Variants in FAM227A observed in about 807,000 individuals in gnomAD.
The protein encoded by FAM227A is protein FAM227A.
A neutral mutation model predicts 74.7 loss-of-function variants in FAM227A; 80 were observed. The observed-to-expected ratio is 1.07, with a 90% CI of 0.89 to 1.29. The LOEUF (loss-of-function observed/expected upper bound fraction) is 1.29, where lower values mean the gene tolerates loss of function less well. FAM227A is among the 50% of genes most tolerant of loss of function. The pLI is 0.00. For synonymous variants in FAM227A, 237 were observed against 241.8 expected (o/e 0.98, Z 0.19); for missense variants, 654 against 683.4 (o/e 0.96, Z 0.48).
At chr22:38,629,569 G>A (rs1458149024) in intron 6 of FAM227A, among the ~76,000 whole-genome samples, 1 of 152,278 alleles carries the variant, frequency 6.6e-6, no homozygotes, top group Non-Finnish European at 1.5e-5. Context: ...GAAGAGGAAA[G>A]TAAGGACTGA....
chr22:38,642,433 AGAG>A (rs1261338698), intron 3 of FAM227A, among the ~76,000 whole-genome samples: 3 of 152,216 alleles, frequency 2.0e-5, no homozygotes, highest in East Asian at 1.9e-4. Context: ...CTAGAAGACA[AGAG>A]GAGAACACCT....
At chr22:38,614,712 T>C (rs2091540010) in intron 11 of FAM227A, among the ~76,000 whole-genome samples, 1 of 152,188 alleles carries the variant, frequency 6.6e-6, no homozygotes, top group Admixed American at 6.5e-5. Flanking sequence ...TATTTCTATT[T>C]TGGGGGCAGT....
At chr22:38,595,811 G>T (rs549689230) in intron 15 of FAM227A, among the ~76,000 whole-genome samples, 9 of 152,244 alleles carry the variant, frequency 5.9e-5, no homozygotes, top group African/African-American at 2.2e-4. Context: ...GATTTAACTT[G>T]AATCTAATCA....
chr22:38,648,190 A>G (rs1025789985), intron 2 of FAM227A, among the ~76,000 whole-genome samples: 1 of 152,122 alleles, frequency 6.6e-6, no homozygotes, highest in Admixed American at 6.6e-5. Flanking sequence ...AAGAGGATGA[A>G]CGAAGACAGG....
chr22:38,614,589 G>A (rs986609368), intron 11 of FAM227A, among the ~76,000 whole-genome samples: 7 of 152,136 alleles, frequency 4.6e-5, no homozygotes, highest in African/African-American at 1.2e-4. Context: ...ATGGGAAAAC[G>A]TGTCTGCTCT....
At chr22:38,621,355 AAAAAAAAAG>A (rs2091686263) in intron 10 of FAM227A, among the ~76,000 whole-genome samples, 1 of 151,414 alleles carries the variant, frequency 6.6e-6, no homozygotes, top group Non-Finnish European at 1.5e-5. Flanking sequence ...GTCTCAAAAA[AAAAAAAAAG>A]AAAGAAAAGA....
intron 11 of FAM227A, 80 bp from the exon 12 acceptor site, chr22:38,607,556 A>C (rs927631015): frequency 2.1e-6 from 2 of 957,614 alleles, no homozygotes; most frequent in African/African-American, 3.3e-5. Flanking sequence ...AGAGAAATAC[A>C]AAAAAGTAAT....
chr22:38,636,147 T>A (rs564364127), intron 6 of FAM227A, among the ~76,000 whole-genome samples: 1 of 152,138 alleles, frequency 6.6e-6, no homozygotes, highest in Non-Finnish European at 1.5e-5. Flanking sequence ...CATACTCATA[T>A]GCATTGTAGT....
At chr22:38,631,236 A>G (rs2091910082) in intron 6 of FAM227A, among the ~76,000 whole-genome samples, 1 of 152,108 alleles carries the variant, frequency 6.6e-6, no homozygotes, top group African/African-American at 2.4e-5. Context: ...TGTCCTTTGC[A>G]GCAACATAGA....
In FAM227A at chr22:38,583,155, G is replaced by T; in HGVS notation, c.*2970C>A. On this transcript the variant is annotated 3_prime_UTR_variant, in exon 17 of 17. Coordinates refer to ENST00000535113, the MANE Select transcript of FAM227A (RefSeq NM_001013647.2). ...ACTCGGCAGGTGCTCACACGTTCTG[G>T]TTTCAGAAGACTATACTTTTTTTTT... is the stretch of plus-strand genomic sequence containing the variant. 4 of 489,774 alleles carry T rather than the reference G, an allele frequency of 8.2e-6. No homozygotes were observed. Among genetic ancestry groups the T allele is most frequent in the Non-Finnish European group, 1.1e-5 (3 of 279,078 alleles). The allele number at this position is 489,774 out of a possible 1,614,324, so 30.3% of individuals were successfully genotyped here.
chr22:38,624,222 T>C (rs1181324374), intron 9 of FAM227A, among the ~76,000 whole-genome samples: 1 of 151,998 alleles, frequency 6.6e-6, no homozygotes, highest in East Asian at 1.9e-4. Flanking sequence ...CTGACCAACA[T>C]GGTGAAACCC....
At chr22:38,606,307 C>A (rs1192796186) in intron 12 of FAM227A, among the ~76,000 whole-genome samples, 1 of 152,194 alleles carries the variant, frequency 6.6e-6, no homozygotes, top group African/African-American at 2.4e-5. Flanking sequence ...GCTCAGACTA[C>A]AGATGTGCAC....
At chr22:38,607,237 T>C (rs1436338180) in intron 12 of FAM227A, among the ~76,000 whole-genome samples, 152 bp downstream of exon 12, 1 of 151,536 alleles carries the variant, frequency 6.6e-6, no homozygotes, top group African/African-American at 2.4e-5. Context: ...CTACATCCTT[T>C]CATAAAATAT....
At chr22:38,638,722 CA>C in intron 5 of FAM227A, 23 bp downstream of exon 5, 1 of 1,513,108 alleles carries the variant, frequency 6.6e-7, no homozygotes, top group Non-Finnish European at 9.0e-7. Flanking sequence ...CGGTCAGAAA[CA>C]GACACAGCAG....
rs1316433672 is a variant in FAM227A, at chr22:38,639,681, T to C, written c.269A>G (p.Lys90Arg). The change falls in exon 4 of 17, where the codon AAA (lysine) becomes AGA (arginine). Residue 90 changes from lysine (K) to arginine (R), a missense_variant. Transcript: ENST00000535113. Reference protein sequence around the residue: ...FELEKKALREKTRSSPEDKVK... With the variant: ...FELEKKALRERTRSSPEDKVK... ...TTTGTCTTCTGGACTGCTGCGAGTTTTCTCTCTTAAAGCCTTCTTCTCCAA... is the reference window on the plus strand; with the variant it reads ...TTTGTCTTCTGGACTGCTGCGAGTTCTCTCTCTTAAAGCCTTCTTCTCCAA... 6.4e-7 allele frequency: 1 copy of C among 1,551,850 alleles called. No individual in the cohort carries two copies. Among genetic ancestry groups the C allele is most frequent in the Non-Finnish European group, 8.7e-7 (1 of 1,147,044 alleles).
At chr22:38,619,630 T>C (rs556386935) in intron 11 of FAM227A, among the ~76,000 whole-genome samples, 1 of 152,138 alleles carries the variant, frequency 6.6e-6, no homozygotes, top group Non-Finnish European at 1.5e-5. Context: ...GGCCTGGAAG[T>C]AGGGTTTTTA....
At chr22:38,593,604 CT>C (rs1247256525) in intron 15 of FAM227A, among the ~76,000 whole-genome samples, 1 of 152,154 alleles carries the variant, frequency 6.6e-6, no homozygotes, top group Non-Finnish European at 1.5e-5. Context: ...GTCCCTATGT[CT>C]TCTCCCTTCT....
intron 16 of FAM227A, 89 bp downstream of exon 16, chr22:38,591,346 A>T (rs1300166629): frequency 2.7e-6 from 4 of 1,468,866 alleles, no homozygotes; most frequent in East Asian, 2.6e-5. Context: ...AAAATAAAAT[A>T]ATTATTATTC....
rs1234397283 is a variant in FAM227A at position 38,613,257 on chromosome 22, ATAT to A, written c.1039-5784_1039-5782del. On this transcript the variant is annotated intron_variant, in intron 11 of 16. Coordinates refer to ENST00000535113, the MANE Select transcript of FAM227A (RefSeq NM_001013647.2). ...ATATATAATATATAATATATAACAT[ATAT>A]TATAACATATATTATATATCATATA... Among the ~76,000 whole-genome samples the A allele has an allele frequency of 8.5e-4, 62 of 72,818 alleles. 1 individual carries two copies. The South Asian group carries it at 0.012, about 14-fold the overall frequency. The allele number at this position is 72,818 out of a possible 152,430, so 47.8% of individuals were successfully genotyped here.
Sources: allele counts gnomAD v4.1 joint callset (sites outside exome capture counted in the v4.1 genomes callset), GRCh38; gene constraint gnomAD v4.1.1; transcripts MANE v1.5; gene names NCBI Gene and HGNC (gene_info 2026-07-23, HGNC 2026-07-21).